RNF214: variants seen among roughly 807,000 people sequenced by gnomAD.
RNF214 encodes ring finger protein 214.
In RNF214, 25 loss-of-function variants were observed where a neutral mutation model predicts 75.9. The observed-to-expected ratio is 0.33, with a 90% CI of 0.24 to 0.46. RNF214 has a LOEUF of 0.46. Among genes scored for constraint, RNF214 ranks in the 20% least tolerant of loss-of-function variants. The pLI is 1.00. For missense variants in RNF214, 725 were observed against 857.5 expected (o/e 0.85, Z 1.93); for synonymous variants, 314 against 308.8 (o/e 1.02, Z -0.18).
Position 117,280,927 on chromosome 11 carries a change from G to A in RNF214, c.1146-387G>A, listed in dbSNP as rs554149452. 3.2e-3 allele frequency among the ~76,000 whole-genome samples: 489 copies of A among 151,140 alleles called. 3 individuals carry two copies. Among genetic ancestry groups the A allele is most frequent in the African/African-American group, 0.011 (433 of 41,106 alleles). On this transcript the variant is annotated intron_variant, in intron 8 of 14. Coordinates refer to ENST00000300650, the MANE Select transcript of RNF214 (RefSeq NM_207343.4). ...GCACCTGCTCCCACCTCTTCTCAAC[G>A]GCAATTAGCCAGCTACTATTTTGCT...
intron 11 of RNF214, 27 bp downstream of exon 11, chr11:117,282,297 A>T: frequency 6.3e-7 from 1 of 1,579,864 alleles, no homozygotes; most frequent in Non-Finnish European, 8.6e-7. Context: ...ACTGATTCAG[A>T]TGTCTCTATC....
chr11:117,270,682 A>G (rs1287747807), intron 6 of RNF214, among the ~76,000 whole-genome samples: 4 of 152,088 alleles, frequency 2.6e-5, no homozygotes, highest in Admixed American at 2.6e-4. Flanking sequence ...TCCTGACCTC[A>G]GGTGATCCAC....
intron 14 of RNF214, 107 bp downstream of exon 14, chr11:117,283,317 C>CT (rs34158147): frequency 1.3e-6 from 1 of 752,306 alleles, no homozygotes; most frequent in Non-Finnish European, 2.3e-6. Flanking sequence ...GCTAAAATAA[C>CT]TTTTCTTTTA....
At chr11:117,239,996 A>G (rs2033026525) in intron 4 of RNF214, 136 bp downstream of exon 4, 1 of 599,018 alleles carries the variant, frequency 1.7e-6, no homozygotes, top group African/African-American at 1.9e-5. Context: ...CTTTTCCTTG[A>G]TCACTTCCAA....
chr11:117,248,244 A>G (rs1165990244), intron 6 of RNF214, among the ~76,000 whole-genome samples: 3 of 151,766 alleles, frequency 2.0e-5, no homozygotes. Flanking sequence ...CCTGGCTAAC[A>G]TTTTTGTATT....
chr11:117,236,310 G>A (rs1338032308), intron 2 of RNF214, among the ~76,000 whole-genome samples: 4 of 149,804 alleles, frequency 2.7e-5, no homozygotes, highest in Admixed American at 6.7e-5. Flanking sequence ...ATCTTGCTCC[G>A]TCACCCAGGC....
intron 5 of RNF214, among the ~76,000 whole-genome samples, chr11:117,245,841 A>T (rs1409323858): frequency 6.6e-6 from 1 of 152,246 alleles, no homozygotes; most frequent in Non-Finnish European, 1.5e-5. Flanking sequence ...ATACCTAAGT[A>T]TACATGTCTT....
At chr11:117,268,261 C>G (rs574126783) in intron 6 of RNF214, among the ~76,000 whole-genome samples, 1 of 152,208 alleles carries the variant, frequency 6.6e-6, no homozygotes, top group Non-Finnish European at 1.5e-5. Flanking sequence ...AGGTGCTCTT[C>G]AGAGTTAGGC....
chr11:117,279,153 C>T (rs2034075708), intron 6 of RNF214, among the ~76,000 whole-genome samples: 1 of 152,120 alleles, frequency 6.6e-6, no homozygotes, highest in Non-Finnish European at 1.5e-5. Context: ...ATTCATTCTT[C>T]AGGACCCATA....
chr11:117,275,321 A>G (rs2033995357), intron 6 of RNF214, among the ~76,000 whole-genome samples: 1 of 152,198 alleles, frequency 6.6e-6, no homozygotes, highest in Non-Finnish European at 1.5e-5. Context: ...ACAAATTGAC[A>G]GTCTAATAAT....
chr11:117,279,323 CTTTTTTTTTTT>C (rs34196418), intron 6 of RNF214, among the ~76,000 whole-genome samples: 3 of 104,354 alleles, frequency 2.9e-5, no homozygotes, highest in African/African-American at 7.9e-5. Flanking sequence ...GAGATACAAA[CTTTTTTTTTTT>C]TTTTTTTTTT....
intron 6 of RNF214, among the ~76,000 whole-genome samples, chr11:117,262,815 C>A (rs1555056038): frequency 6.6e-6 from 1 of 151,554 alleles, no homozygotes; most frequent in Non-Finnish European, 1.5e-5. Flanking sequence ...CTTTTCTTTT[C>A]TTTTTTGTTT....
intron 4 of RNF214, among the ~76,000 whole-genome samples, chr11:117,243,625 G>A (rs2033138530): frequency 6.6e-6 from 1 of 152,120 alleles, no homozygotes; most frequent in Non-Finnish European, 1.5e-5. Flanking sequence ...TCAAATTTTA[G>A]TGTCCCTTTG....
intron 6 of RNF214, among the ~76,000 whole-genome samples, chr11:117,255,138 A>T (rs2033488264): frequency 6.6e-6 from 1 of 152,140 alleles, no homozygotes; most frequent in African/African-American, 2.4e-5. Context: ...CTCTTTCTAA[A>T]CTTCCTGTCT....
Position 117,279,891 on chromosome 11 carries a change from G to A in RNF214, c.960-17G>A. The A allele has an allele frequency of 6.3e-7, 1 of 1,576,496 alleles. No homozygotes were observed. Among genetic ancestry groups the A allele is most frequent in the Non-Finnish European group, 8.7e-7 (1 of 1,154,514 alleles). On this transcript the variant is annotated splice_polypyrimidine_tract_variant and intron_variant, in intron 6 of 14. Coordinates refer to ENST00000300650, the MANE Select transcript of RNF214 (RefSeq NM_207343.4). ...ATCTTTCTTCCTTAGTCTTGTTCTTGGTTTCTTATCTTACAGAGAGGTGTG... is the reference window on the plus strand; with the variant it reads ...ATCTTTCTTCCTTAGTCTTGTTCTTAGTTTCTTATCTTACAGAGAGGTGTG...
intron 2 of RNF214, among the ~76,000 whole-genome samples, chr11:117,238,021 G>A (rs1316040453): frequency 2.0e-5 from 3 of 152,130 alleles, no homozygotes; most frequent in Non-Finnish European, 2.9e-5. Flanking sequence ...ATTCTAACTA[G>A]TATTAGGCTA....
chr11:117,268,079 C>T (rs936360545), intron 6 of RNF214, among the ~76,000 whole-genome samples: 4 of 152,200 alleles, frequency 2.6e-5, no homozygotes, highest in African/African-American at 9.7e-5. Flanking sequence ...TTAAGATAAA[C>T]AATTGTTAGT....
At chr11:117,279,604 T>C (rs1455375799) in intron 6 of RNF214, among the ~76,000 whole-genome samples, 1 of 152,206 alleles carries the variant, frequency 6.6e-6, no homozygotes, top group African/African-American at 2.4e-5. Flanking sequence ...TCCAAAGTGC[T>C]GGGATTACAG....
At chr11:117,282,681 AT>A in intron 12 of RNF214, 64 bp from the exon 13 acceptor site, 2 of 1,556,778 alleles carry the variant, frequency 1.3e-6, no homozygotes, top group Non-Finnish European at 1.8e-6. Flanking sequence ...GAAATAAGTG[AT>A]TTTTGTGATA....
Sources: allele counts gnomAD v4.1 joint callset (sites outside exome capture counted in the v4.1 genomes callset), GRCh38; gene constraint gnomAD v4.1.1; transcripts MANE v1.5; gene names NCBI Gene and HGNC (gene_info 2026-07-23, HGNC 2026-07-21).